Variants in COL26A1 observed in about 807,000 individuals in gnomAD.
The protein encoded by COL26A1 is collagen alpha-1(XXVI) chain.
In COL26A1, 41 loss-of-function variants were observed where a neutral mutation model predicts 59.3. That is an observed-to-expected ratio of 0.69 (90% confidence interval 0.54 to 0.90). The LOEUF is 0.90. Among genes scored for constraint, COL26A1 ranks in the 40% least tolerant of loss-of-function variants. COL26A1 has a pLI of 0.00. For missense variants in COL26A1, 612 were observed against 602.3 expected, an observed-to-expected ratio of 1.02 and a Z score of -0.17; for synonymous variants, 266 against 256.0, an observed-to-expected ratio of 1.04 and a Z score of -0.37.
chr7:101,495,236 G>A (rs1210711292), intron 3 of COL26A1, among the ~76,000 whole-genome samples: 1 of 152,180 alleles, frequency 6.6e-6, no homozygotes, highest in South Asian at 2.1e-4. Context: ...CAGCCAGGAT[G>A]TCCGGCAGAA....
In COL26A1 at chr7:101,533,123, C is replaced by T. The variant is rs764862812; in HGVS notation, c.427C>T (p.Leu143=). The change falls in exon 4 of 13, where the codon CTG becomes TTG. Residue 143 remains leucine, a synonymous_variant. Transcript: ENST00000313669. ...CTRLSDMSER[L]TTLEAKVLLL... ...CCGGCTCAGTGACATGAGTGAGCGA[C>T]TGACCACACTGGAGGCCAAGGTCAG... The T allele has an allele frequency of 3.1e-6, 5 of 1,606,830 alleles. No homozygotes were observed. Among genetic ancestry groups the T allele is most frequent in the African/African-American group, 1.3e-5 (1 of 74,954 alleles).
intron 3 of COL26A1, among the ~76,000 whole-genome samples, chr7:101,518,410 C>A (rs1189828879): frequency 6.6e-6 from 1 of 152,166 alleles, no homozygotes; most frequent in East Asian, 1.9e-4. Flanking sequence ...ACCCTTTGAA[C>A]CTTGACCTTG....
intron 2 of COL26A1, among the ~76,000 whole-genome samples, chr7:101,440,764 G>A (rs1793037211): frequency 6.6e-6 from 1 of 152,118 alleles, no homozygotes; most frequent in Non-Finnish European, 1.5e-5. Context: ...TCAGGAGTTC[G>A]AGGCCAGCCT....
chr7:101,392,867 C>T (rs541557092), intron 1 of COL26A1, among the ~76,000 whole-genome samples: 1 of 152,110 alleles, frequency 6.6e-6, no homozygotes, highest in Non-Finnish European at 1.5e-5. Context: ...GGGTGGGACG[C>T]AGGAGAGTGG....
chr7:101,530,343 C>T (rs564258026), intron 3 of COL26A1, among the ~76,000 whole-genome samples: 312 of 151,608 alleles, frequency 2.1e-3, no homozygotes, highest in African/African-American at 7.0e-3. Context: ...CTGAGGTGGG[C>T]GGATCCCTTG....
chr7:101,539,769 C>T (rs184800053), intron 4 of COL26A1, 124 bp from the exon 5 acceptor site: 34 of 969,158 alleles, frequency 3.5e-5, no homozygotes, highest in Middle Eastern at 6.3e-4. Flanking sequence ...AGGAGCGTGA[C>T]GGGGCACACA....
intron 3 of COL26A1, among the ~76,000 whole-genome samples, chr7:101,504,678 G>C (rs913907305): frequency 6.6e-6 from 1 of 152,336 alleles, no homozygotes; most frequent in Admixed American, 6.5e-5. Flanking sequence ...GCATTGTTAT[G>C]AGGATTTATG....
At chr7:101,540,085 G>A (rs1461581431) in intron 5 of COL26A1, 36 bp downstream of exon 5, 2 of 1,581,132 alleles carry the variant, frequency 1.3e-6, no homozygotes, top group Middle Eastern at 1.7e-4. Flanking sequence ...GGCTGGGGCA[G>A]CCGAAGGGAC....
chr7:101,405,879 G>A (rs954905628), intron 1 of COL26A1, among the ~76,000 whole-genome samples: 2 of 152,208 alleles, frequency 1.3e-5, no homozygotes, highest in Admixed American at 6.5e-5. Flanking sequence ...GCAAGGAGCC[G>A]ATGCTGCCTG....
intron 2 of COL26A1, among the ~76,000 whole-genome samples, chr7:101,434,864 C>T (rs1020435139): frequency 6.6e-6 from 1 of 151,396 alleles, no homozygotes. Flanking sequence ...AGAGAGAACA[C>T]GATCCTCTCC....
chr7:101,542,704 G>A (rs1358575264), intron 5 of COL26A1, among the ~76,000 whole-genome samples: 1 of 152,170 alleles, frequency 6.6e-6, no homozygotes, highest in Non-Finnish European at 1.5e-5. Flanking sequence ...AGGAGAGTAG[G>A]GTATCCTGCA....
At chr7:101,493,670 C>A (rs1794516810) in intron 3 of COL26A1, among the ~76,000 whole-genome samples, 1 of 150,714 alleles carries the variant, frequency 6.6e-6, no homozygotes, top group South Asian at 2.1e-4. Flanking sequence ...CGCCTGTAAT[C>A]CTGGCACTTT....
At chr7:101,549,518 C>T (rs1459128882) in intron 9 of COL26A1, among the ~76,000 whole-genome samples, 1 of 152,092 alleles carries the variant, frequency 6.6e-6, no homozygotes, top group African/African-American at 2.4e-5. Context: ...TTAGCCGGGA[C>T]CACAGGCGCA....
chr7:101,507,280 C>T (rs1288845611), intron 3 of COL26A1, among the ~76,000 whole-genome samples: 1 of 152,152 alleles, frequency 6.6e-6, no homozygotes, highest in Non-Finnish European at 1.5e-5. Flanking sequence ...GCCAATCTGC[C>T]GTTGAAATCA....
intron 1 of COL26A1, among the ~76,000 whole-genome samples, chr7:101,393,739 G>A (rs1791788137): frequency 6.6e-6 from 1 of 151,804 alleles, no homozygotes; most frequent in Non-Finnish European, 1.5e-5. Flanking sequence ...GAGCCACTGT[G>A]CCTGGCCAAT....
intron 1 of COL26A1, among the ~76,000 whole-genome samples, chr7:101,374,122 C>T (rs752114360): frequency 2.6e-5 from 4 of 152,220 alleles, no homozygotes; most frequent in Non-Finnish European, 5.9e-5. Context: ...CCGTGCTGTT[C>T]TGCCCTCCGA....
intron 7 of COL26A1, 110 bp from the exon 8 acceptor site, chr7:101,547,046 G>GC: frequency 2.9e-6 from 2 of 678,584 alleles, no homozygotes; most frequent in South Asian, 1.9e-5. Context: ...GATGGGAGGA[G>GC]CCCCCCTGGG....
rs4989268 is a variant in COL26A1, at chr7:101,362,952, C to T, written c.-81C>T. On this transcript the variant is annotated 5_prime_UTR_variant, in exon 1 of 13. Coordinates refer to ENST00000313669, the MANE Select transcript of COL26A1 (RefSeq NM_001278563.3). ...CTCTCGCTGTGCTCCCGGCCGGTGC[C>T]GCGGGTTCGGTCCGGGCGCCGGTGC... is the stretch of plus-strand genomic sequence containing the variant. 0.52 allele frequency: 728,886 copies of T among 1,404,554 alleles called. 193,786 individuals carry two copies. The highest frequency in any genetic ancestry group is 0.81 in the African/African-American group (54,188 of 66,916). The allele number at this position is 1,404,554 out of a possible 1,614,324, so 87.0% of individuals were successfully genotyped here. A position where few individuals can be genotyped will look rare whatever the true frequency, so the allele number is the denominator to read the frequency against.
chr7:101,376,645 G>A (rs943704730), intron 1 of COL26A1, among the ~76,000 whole-genome samples: 2 of 152,072 alleles, frequency 1.3e-5, no homozygotes, highest in Non-Finnish European at 2.9e-5. Context: ...TAATCCTGAT[G>A]GTTTTTCCTT....
Sources: allele counts gnomAD v4.1 joint callset (sites outside exome capture counted in the v4.1 genomes callset), GRCh38; gene constraint gnomAD v4.1.1; transcripts MANE v1.5; gene names NCBI Gene and HGNC (gene_info 2026-07-23, HGNC 2026-07-21).